WNT3: variants seen among roughly 807,000 people sequenced by gnomAD.
WNT3 encodes proto-oncogene Wnt-3.
A neutral mutation model predicts 34.2 loss-of-function variants in WNT3; 7 were observed. The observed-to-expected ratio is 0.20, with a 90% confidence interval of 0.12 to 0.38. WNT3 has a LOEUF of 0.38. WNT3 is among the 10% of genes least tolerant of loss of function. WNT3 has a pLI of 1.00. For missense variants in WNT3, 267 were observed against 499.8 expected (o/e 0.53, Z 4.44); for synonymous variants, 212 against 211.5 (o/e 1.00, Z -0.02).
intron 1 of WNT3, among the ~76,000 whole-genome samples, chr17:46,790,467 G>T (rs1263528183): frequency 6.6e-6 from 1 of 151,980 alleles, no homozygotes; most frequent in Non-Finnish European, 1.5e-5. Flanking sequence ...CTCCCTCAAG[G>T]TTGAGAAGCA....
intron 2 of WNT3, 49 bp downstream of exon 2, chr17:46,773,619 T>TGGGGGGGGGCGGGGGGGGGGGGGGGG: frequency 1.8e-6 from 1 of 549,848 alleles, no homozygotes. Flanking sequence ...ACAGTCCTGA[T>TGGGGGGGGGCGGGGGGGGGGGGGGGG]CCCTCCCCCC....
intron 3 of WNT3, among the ~76,000 whole-genome samples, chr17:46,769,328 A>AAG (rs933034403): frequency 6.6e-6 from 1 of 151,998 alleles, no homozygotes; most frequent in African/African-American, 2.4e-5. Flanking sequence ...AAAAAAAAAA[A>AAG]AAAAGAAAAG....
At chr17:46,769,561 G>A (rs991200635) in intron 3 of WNT3, among the ~76,000 whole-genome samples, 1 of 152,088 alleles carries the variant, frequency 6.6e-6, no homozygotes, top group South Asian at 2.1e-4. Flanking sequence ...CTCCCAGGCC[G>A]ACTCATCCCG....
At chr17:46,815,211 C>T (rs1401972731) in intron 1 of WNT3, among the ~76,000 whole-genome samples, 1 of 152,028 alleles carries the variant, frequency 6.6e-6, no homozygotes, top group Non-Finnish European at 1.5e-5. Context: ...CAAGTTTCTC[C>T]ACCAGGAGCT....
At chr17:46,765,769 G>A (rs1474213164) in intron 4 of WNT3, among the ~76,000 whole-genome samples, 2 of 152,252 alleles carry the variant, frequency 1.3e-5, no homozygotes, top group South Asian at 2.1e-4. Context: ...TGCCCTGTGA[G>A]CAGCTGGGTC....
intron 1 of WNT3, among the ~76,000 whole-genome samples, chr17:46,805,764 C>T (rs981813972): frequency 2.6e-5 from 4 of 152,066 alleles, no homozygotes; most frequent in African/African-American, 9.7e-5. Flanking sequence ...CCAAACCAAA[C>T]TGAAACTTGA....
chr17:46,805,540 T>C (rs939560106), intron 1 of WNT3, among the ~76,000 whole-genome samples: 1 of 152,188 alleles, frequency 6.6e-6, no homozygotes, highest in Non-Finnish European at 1.5e-5. Context: ...GCAATTGCAC[T>C]GCAGCCTGGG....
chr17:46,784,798 T>C (rs1422826679), intron 1 of WNT3, among the ~76,000 whole-genome samples: 8 of 138,774 alleles, frequency 5.8e-5, no homozygotes, highest in South Asian at 2.3e-4. Context: ...TTTTTTGAGA[T>C]GGAGTCTCGC....
chr17:46,812,002 C>T (rs866790595), intron 1 of WNT3, among the ~76,000 whole-genome samples: 7 of 152,250 alleles, frequency 4.6e-5, no homozygotes, highest in Middle Eastern at 3.4e-3. Flanking sequence ...GCCCAGGTGC[C>T]TTAGCTATTC....
intron 1 of WNT3, among the ~76,000 whole-genome samples, chr17:46,777,429 C>T (rs1011789851): frequency 2.6e-5 from 4 of 152,222 alleles, no homozygotes; most frequent in Non-Finnish European, 2.9e-5. Context: ...GGTGGGTCTT[C>T]GCAGCCCAGC....
At chr17:46,774,038 G>A in intron 1 of WNT3, 129 bp from the exon 2 acceptor site, 3 of 1,367,216 alleles carry the variant, frequency 2.2e-6, no homozygotes, top group South Asian at 1.3e-5. Context: ...GCACCTGAAT[G>A]TGCTACCTTT....
intron 1 of WNT3, among the ~76,000 whole-genome samples, chr17:46,776,121 G>A (rs932235467): frequency 6.6e-5 from 10 of 152,248 alleles, no homozygotes; most frequent in African/African-American, 1.9e-4. Context: ...TGGAATTGCT[G>A]GTTGGAACCC....
chr17:46,787,840 C>T (rs1438617535), intron 1 of WNT3, among the ~76,000 whole-genome samples: 1 of 151,898 alleles, frequency 6.6e-6, no homozygotes. Context: ...CCTGTAATCA[C>T]AGCTACCCTG....
chr17:46,785,588 G>A (rs773736356), intron 1 of WNT3, among the ~76,000 whole-genome samples: 6 of 152,230 alleles, frequency 3.9e-5, no homozygotes, highest in Non-Finnish European at 7.3e-5. Flanking sequence ...ACTCCCTTCT[G>A]CCCGCAGCTT....
intron 1 of WNT3, among the ~76,000 whole-genome samples, chr17:46,806,974 G>A (rs561652182): frequency 1.3e-5 from 2 of 152,324 alleles, no homozygotes; most frequent in South Asian, 4.1e-4. Flanking sequence ...TAGCACCGTC[G>A]GCTTCCAAGG....
At chr17:46,773,367 T>C (rs189055117) in intron 2 of WNT3, among the ~76,000 whole-genome samples, 32 of 152,078 alleles carry the variant, frequency 2.1e-4, no homozygotes, top group East Asian at 3.9e-4. Context: ...TAACACAGCA[T>C]TGGGGAAATG....
At chr17:46,816,475 G>GCACGCACACA (rs1475869479) in intron 1 of WNT3, among the ~76,000 whole-genome samples, 92 of 144,364 alleles carry the variant, frequency 6.4e-4, no homozygotes, top group African/African-American at 2.2e-3. Context: ...CAGAACACAC[G>GCACGCACACA]CACACACACA....
rs560644145 is a variant in WNT3, at chr17:46,815,900, T to C, written c.80+2618A>G. On this transcript the variant is annotated intron_variant, in intron 1 of 4. Transcript: ENST00000225512. ...TCATTCATACCCACAGGTAGATGTC[T>C]GCAAAGATATTCACAGCCACACAGC... Among the ~76,000 whole-genome samples the C allele has an allele frequency of 1.1e-3, 172 of 152,228 alleles. 1 individual carries two copies. Among genetic ancestry groups the C allele is most frequent in the African/African-American group, 4.0e-3 (168 of 41,508 alleles).
intron 1 of WNT3, among the ~76,000 whole-genome samples, chr17:46,814,271 A>G (rs1259150206): frequency 1.3e-5 from 2 of 152,192 alleles, no homozygotes; most frequent in African/African-American, 2.4e-5. Context: ...ATCCACATAC[A>G]TATTACAGCA....
Sources: allele counts gnomAD v4.1 joint callset (sites outside exome capture counted in the v4.1 genomes callset), GRCh38; gene constraint gnomAD v4.1.1; transcripts MANE v1.5; gene names NCBI Gene and HGNC (gene_info 2026-07-23, HGNC 2026-07-21).